BRAP: variants seen among roughly 807,000 people sequenced by gnomAD.
The protein encoded by BRAP is BRCA1 associated protein.
In BRAP, 42 loss-of-function variants were observed where a neutral mutation model predicts 73.4. The ratio of observed to expected loss-of-function variants is 0.57; its 90% confidence interval spans 0.45 to 0.74. The LOEUF is 0.74. Among genes scored for constraint, BRAP ranks in the 30% least tolerant of loss-of-function variants. The probability of loss-of-function intolerance (pLI) is 0.00; values close to 1 mark genes in which losing one functional copy is unlikely to be tolerated. For synonymous variants in BRAP, 255 were observed against 267.4 expected (o/e 0.95, Z 0.45); for missense variants, 593 against 751.4 (o/e 0.79, Z 2.46).
Position 111,659,217 on chromosome 12 carries a change from G to A in BRAP, c.1101C>T (p.Asp367=), listed in dbSNP as rs530846220. The change falls in exon 8 of 12, where the codon GAC becomes GAT. Residue 367 remains aspartate, a synonymous_variant. Transcript: ENST00000419234. The stretch of plus-strand genomic sequence containing the variant: ...GAGAGTGGTATTCACCTCCAGCATA[G>A]TCCCAGACTCGATGGTTGGTAAGCT... The part of the protein sequence containing the change: ...AMQLTNHRVW[D]YAGDNYVHRL... 6.2e-7 allele frequency: 1 copy of A among 1,614,048 alleles called. No homozygotes were observed. Among genetic ancestry groups the A allele is most frequent in the East Asian group, 2.2e-5 (1 of 44,880 alleles).
chr12:111,685,330 A>G (rs972155483), intron 1 of BRAP, among the ~76,000 whole-genome samples: 3 of 152,258 alleles, frequency 2.0e-5, no homozygotes, highest in African/African-American at 7.2e-5. Context: ...TTCAATGGAT[A>G]TCGTTCCAAA....
intron 1 of BRAP, among the ~76,000 whole-genome samples, chr12:111,684,916 GC>G (rs1887749324): frequency 6.6e-6 from 1 of 152,154 alleles, no homozygotes; most frequent in Non-Finnish European, 1.5e-5. Context: ...TGACCCGCCC[GC>G]CTCGGCCTCC....
In BRAP at chr12:111,679,182, T is replaced by C. The variant is rs1887502440; in HGVS notation, c.602A>G (p.Gln201Arg). Residue 201 changes from glutamine (Q) to arginine (R), a missense_variant, in exon 4 of 12, where the codon CAA (glutamine) becomes CGA (arginine). Around this residue, in one of 4 missense-constraint regions of BRAP, gnomAD observed 304 missense variants for 337.7 expected, o/e 0.90. Transcript: ENST00000419234. ...ACGAAACTTTATCAGCACCATATAT[T>C]GGTTGGGAGTAGAGTCTCTGATAAT... ...MKIIRDSTPNQYMVLIKFRAQ... is the reference protein window; with the variant it reads ...MKIIRDSTPNRYMVLIKFRAQ... The C allele has an allele frequency of 3.8e-6, 6 of 1,591,624 alleles. No individual in the cohort carries two copies. Among genetic ancestry groups the C allele is most frequent in the Non-Finnish European group, 5.1e-6 (6 of 1,168,994 alleles).
intron 11 of BRAP, among the ~76,000 whole-genome samples, chr12:111,648,150 T>C (rs1886181024): frequency 6.7e-6 from 1 of 149,580 alleles, no homozygotes; most frequent in Non-Finnish European, 1.5e-5. Context: ...ATCCAAAAAT[T>C]AGCTGGGTGT....
At position 111,644,520 on chromosome 12, in the gene BRAP, C is replaced by T; in HGVS notation, c.1458G>A (p.Glu486=). ...LNTKVAKLTN[E]LKEEQEMNKC... ...TGTTCATTTCCTGCTCCTCTTTGAGCTCGTTGGTGAGTTTGGCCACTTTTG... is the reference window on the plus strand; with the variant it reads ...TGTTCATTTCCTGCTCCTCTTTGAGTTCGTTGGTGAGTTTGGCCACTTTTG... Residue 486 remains glutamate, a synonymous_variant, in exon 12 of 12, where the codon GAG becomes GAA. Transcript: ENST00000419234. The T allele has an allele frequency of 1.9e-6, 3 of 1,614,040 alleles. No individual in the cohort carries two copies. Among genetic ancestry groups the T allele is most frequent in the Non-Finnish European group, 2.5e-6 (3 of 1,179,918 alleles).
In BRAP at chr12:111,672,782, C is replaced by T. The variant is rs767711153; in HGVS notation, c.634-8G>A. ...AAAACTATCCGCATCAGCCTATGTA[C>T]ACCAATGGGGAAAAGGAAAAAAATT... On this transcript the variant is annotated splice_polypyrimidine_tract_variant and splice_region_variant and intron_variant, in intron 4 of 11. Coordinates refer to ENST00000419234, the MANE Select transcript of BRAP (RefSeq NM_006768.5). 9.0e-5 allele frequency: 145 copies of T among 1,609,204 alleles called. 3 individuals carry two copies. The South Asian group carries it at 9.2e-4, about 10-fold the overall frequency.
At position 111,665,525 on chromosome 12, in the gene BRAP, AC is replaced by A; in HGVS notation, c.896+113del. 7.1e-7 allele frequency: 1 copy of A among 1,405,284 alleles called. No homozygotes were observed. Among genetic ancestry groups the A allele is most frequent in the South Asian group, 1.4e-5 (1 of 69,716 alleles). 87.1% of individuals were successfully genotyped at this position (1,405,284 alleles called of 1,614,324 possible). ...CTTAGGAAAGGGAAGGAGAAAAAGGACCTCTTGAATAAAGTCAAATACTTGG... is the reference window on the plus strand; with the variant it reads ...CTTAGGAAAGGGAAGGAGAAAAAGGACTCTTGAATAAAGTCAAATACTTGG... On this transcript the variant is annotated intron_variant, in intron 6 of 11. Coordinates refer to ENST00000419234, the MANE Select transcript of BRAP (RefSeq NM_006768.5). The surrounding 1 kb of genome is among the most constrained non-coding windows in gnomAD (Gnocchi z 4.3).
Position 111,679,265 on chromosome 12 carries a change from G to T in BRAP, c.519C>A (p.Thr173=). 1 of 1,610,740 alleles carries T rather than the reference G, an allele frequency of 6.2e-7. No individual in the cohort carries two copies. The highest frequency in any genetic ancestry group is 8.5e-7 in the Non-Finnish European group (1 of 1,178,086). ...LCILTVPAAM[T]SHDLMKFVAP... ...CAACAAACTTCATAAGGTCATGACT[G>T]GTCATTGCAGCAGGGACTGTGAGAA... The change falls in exon 4 of 12, where the codon ACC becomes ACA. Residue 173 remains threonine (T), a synonymous_variant. Transcript: ENST00000419234.
In BRAP at chr12:111,665,087, G is replaced by A. The variant is rs1018494882; in HGVS notation, c.896+552C>T. ...GGGAGCAACCATCCTGGATTTAGGGGGTAAAAAAAAGGTACAGGCCTTACC... is the reference window on the plus strand; with the variant it reads ...GGGAGCAACCATCCTGGATTTAGGGAGTAAAAAAAAGGTACAGGCCTTACC... On this transcript the variant is annotated intron_variant, in intron 6 of 11. Transcript: ENST00000419234. The surrounding 1 kb of genome is among the most constrained non-coding windows in gnomAD (Gnocchi z 4.3). Among the ~76,000 whole-genome samples, 1 of 151,850 alleles carries A rather than the reference G, an allele frequency of 6.6e-6. No homozygotes were observed.
chr12:111,663,070 TGAAAA>T lies in BRAP; in HGVS notation c.897-2400_897-2396del, dbSNP rs773300530. ...TCTTTCTGAAATGTAAATTTGATCT[TGAAAA>T]GAAAAAAAAATTACAAGAATAAACT... On this transcript the variant is annotated intron_variant, in intron 6 of 11. Coordinates refer to ENST00000419234, the MANE Select transcript of BRAP (RefSeq NM_006768.5). Among the ~76,000 whole-genome samples, 9 of 151,974 alleles carry T rather than the reference TGAAAA, an allele frequency of 5.9e-5. No homozygotes were observed. In the South Asian group the frequency reaches 1.2e-3, roughly 21 times the overall value.
intron 9 of BRAP, among the ~76,000 whole-genome samples, chr12:111,656,775 C>T (rs1364045994): frequency 6.6e-6 from 1 of 152,036 alleles, no homozygotes; most frequent in Non-Finnish European, 1.5e-5. Flanking sequence ...ATTCTGTTGC[C>T]CAGGTTGGAA....
chr12:111,661,983 G>A (rs1008678848), intron 6 of BRAP, among the ~76,000 whole-genome samples: 5 of 152,068 alleles, frequency 3.3e-5, no homozygotes, highest in African/African-American at 1.2e-4. Flanking sequence ...TAAACACAAA[G>A]GTGTTAATGT....
chr12:111,649,863 A>G, intron 11 of BRAP, 76 bp downstream of exon 11: 1 of 997,810 alleles, frequency 1.0e-6, no homozygotes, highest in Non-Finnish European at 1.5e-6. Context: ...TTTGAAAATG[A>G]GGGTGTTTCC....
At chr12:111,678,960 A>G (rs1887491899) in intron 4 of BRAP, among the ~76,000 whole-genome samples, 191 bp downstream of exon 4, 1 of 152,048 alleles carries the variant, frequency 6.6e-6, no homozygotes, top group Admixed American at 6.6e-5. Context: ...CCGAAAAAAA[A>G]AAAAGTGTAT....
At chr12:111,673,656 C>A (rs1697639439) in intron 4 of BRAP, among the ~76,000 whole-genome samples, 1 of 152,068 alleles carries the variant, frequency 6.6e-6, no homozygotes. Context: ...TAGATCCCAT[C>A]TAATGGGTCC....
chr12:111,647,564 G>A (rs183311515), intron 11 of BRAP, among the ~76,000 whole-genome samples: 2 of 152,276 alleles, frequency 1.3e-5, no homozygotes, highest in East Asian at 3.9e-4. Flanking sequence ...TCCAGTTTTT[G>A]CAGGGTGTGG....
In BRAP at chr12:111,683,167, CAAT is replaced by C; in HGVS notation, c.220_222del (p.Ile74del). Reference sequence around the variant, plus strand: ...ATACCTGGGTTGGACTTCATGGTCTCAATGATCACATCTGTCATTTCTCGACGG... The same window carrying C: ...ATACCTGGGTTGGACTTCATGGTCTCGATCACATCTGTCATTTCTCGACGG... On this transcript the variant is annotated inframe_deletion, in exon 2 of 12. Coordinates refer to ENST00000419234, the MANE Select transcript of BRAP (RefSeq NM_006768.5). 6.2e-7 allele frequency: 1 copy of C among 1,613,862 alleles called. No homozygotes were observed. Among genetic ancestry groups the C allele is most frequent in the Non-Finnish European group, 8.5e-7 (1 of 1,179,904 alleles).
intron 4 of BRAP, among the ~76,000 whole-genome samples, chr12:111,674,041 G>A (rs1887280711): frequency 6.6e-6 from 1 of 152,134 alleles, no homozygotes; most frequent in African/African-American, 2.4e-5. Flanking sequence ...TACCAACATT[G>A]ACAGGCTGCT....
At chr12:111,680,096 A>G (rs141921439) in intron 3 of BRAP, among the ~76,000 whole-genome samples, 166 of 151,334 alleles carry the variant, frequency 1.1e-3, no homozygotes, top group African/African-American at 3.8e-3. Context: ...AGCTGGGATT[A>G]CAGACGCGTG....
Sources: gnomAD v4.1 joint callset for allele counts (sites outside exome capture counted in the v4.1 genomes callset) on GRCh38, gnomAD v4.1.1 for gene constraint, gnomAD v4.1.1 regional missense constraint, Gnocchi (gnomAD v3.1) non-coding constraint, MANE v1.5 for transcripts, NCBI Gene and HGNC (gene_info 2026-07-23, HGNC 2026-07-21) for gene names.